FRMD4A: variants seen among roughly 807,000 people sequenced by gnomAD.
FRMD4A encodes the protein FERM domain-containing protein 4A.
In FRMD4A, 29 loss-of-function variants were observed where a neutral mutation model predicts 129.1. That is an observed-to-expected ratio of 0.22 (90% CI 0.17 to 0.31). FRMD4A has a LOEUF of 0.31. Among genes scored for constraint, FRMD4A ranks in the 10% least tolerant of loss-of-function variants. FRMD4A has a pLI of 1.00. For synonymous variants in FRMD4A, 634 were observed against 571.6 expected (o/e 1.11, Z -1.56); for missense variants, 1,272 against 1,375.8 (o/e 0.92, Z 1.19).
At chr10:14,141,491 A>C (rs796899125) in intron 2 of FRMD4A, among the ~76,000 whole-genome samples, 4 of 152,262 alleles carry the variant, frequency 2.6e-5, no homozygotes, top group African/African-American at 9.6e-5. Context: ...ATGAAACATC[A>C]TGTGACACTC....
intron 2 of FRMD4A, among the ~76,000 whole-genome samples, chr10:14,266,525 A>G (rs199999274): frequency 3.6e-5 from 5 of 139,390 alleles, no homozygotes; most frequent in African/African-American, 1.4e-4. Flanking sequence ...GTGTGTGTGT[A>G]TGTGTGTGGC....
chr10:13,833,540 T>A (rs945546387), intron 3 of FRMD4A, among the ~76,000 whole-genome samples: 4 of 152,182 alleles, frequency 2.6e-5, no homozygotes, highest in Non-Finnish European at 4.4e-5. Flanking sequence ...TCATGGGGCA[T>A]CTGCCCTGTG....
At chr10:14,066,110 C>T (rs943186638) in intron 2 of FRMD4A, among the ~76,000 whole-genome samples, 2 of 150,502 alleles carry the variant, frequency 1.3e-5, no homozygotes, top group South Asian at 2.1e-4. Flanking sequence ...ATCCTTTGGA[C>T]GTGAAATATA....
chr10:13,909,571 G>C (rs531712438), intron 2 of FRMD4A, among the ~76,000 whole-genome samples: 1 of 152,198 alleles, frequency 6.6e-6, no homozygotes, highest in Non-Finnish European at 1.5e-5. Flanking sequence ...GGTGTCAGAT[G>C]TTCTTAGGTG....
chr10:14,245,914 C>G (rs78341747), intron 2 of FRMD4A, among the ~76,000 whole-genome samples: 7 of 152,198 alleles, frequency 4.6e-5, no homozygotes, highest in African/African-American at 1.7e-4. Flanking sequence ...TCTGAAAACC[C>G]TCGTTGGATG....
At chr10:14,150,250 A>T (rs368886981) in intron 2 of FRMD4A, among the ~76,000 whole-genome samples, 9 of 152,168 alleles carry the variant, frequency 5.9e-5, no homozygotes, top group Non-Finnish European at 1.2e-4. Context: ...TACAGTATTG[A>T]TCCTAAAAGG....
intron 14 of FRMD4A, among the ~76,000 whole-genome samples, chr10:13,699,552 A>C (rs997275423): frequency 5.9e-5 from 9 of 152,192 alleles, no homozygotes; most frequent in African/African-American, 1.7e-4. Context: ...CGGCGCAGAG[A>C]GGAGGAGCTT....
chr10:13,985,867 C>T (rs950061882), intron 2 of FRMD4A, among the ~76,000 whole-genome samples: 1 of 152,244 alleles, frequency 6.6e-6, no homozygotes, highest in Non-Finnish European at 1.5e-5. Context: ...GATTTAGGAA[C>T]TGAGCAGGCT....
intron 2 of FRMD4A, among the ~76,000 whole-genome samples, chr10:13,884,134 T>TCACC (rs1564970362): frequency 1.9e-3 from 69 of 35,754 alleles, no homozygotes; most frequent in African/African-American, 5.3e-3. Flanking sequence ...ACACACACGC[T>TCACC]CACACACACT....
intron 2 of FRMD4A, among the ~76,000 whole-genome samples, chr10:14,222,207 G>C (rs1054863129): frequency 9.9e-5 from 15 of 152,222 alleles, no homozygotes; most frequent in Non-Finnish European, 1.9e-4. Context: ...ATATAAATCA[G>C]CTGTGAAATC....
intron 2 of FRMD4A, among the ~76,000 whole-genome samples, chr10:13,911,760 CTG>C (rs1417916924): frequency 6.6e-6 from 1 of 152,150 alleles, no homozygotes; most frequent in Non-Finnish European, 1.5e-5. Context: ...CTGGGTTTCA[CTG>C]TGTTACCTAG....
At chr10:13,902,489 GAGTGAC>G (rs2094832390) in intron 2 of FRMD4A, among the ~76,000 whole-genome samples, 1 of 151,154 alleles carries the variant, frequency 6.6e-6, no homozygotes, top group Non-Finnish European at 1.5e-5. Context: ...GAGAGAGAGA[GAGTGAC>G]AGAGATGAGC....
intron 2 of FRMD4A, among the ~76,000 whole-genome samples, chr10:13,863,236 C>T (rs1156413078): frequency 3.3e-5 from 5 of 152,220 alleles, no homozygotes; most frequent in Non-Finnish European, 7.3e-5. Context: ...TGTGCAGAAA[C>T]ATGTAAACAC....
intron 6 of FRMD4A, among the ~76,000 whole-genome samples, chr10:13,769,561 C>T (rs748308751): frequency 6.6e-6 from 1 of 152,216 alleles, no homozygotes; most frequent in Non-Finnish European, 1.5e-5. Context: ...CCACCCACCT[C>T]GGCCTCCCAA....
intron 20 of FRMD4A, among the ~76,000 whole-genome samples, chr10:13,659,717 CTG>C (rs2082478521): frequency 6.6e-6 from 1 of 152,030 alleles, no homozygotes; most frequent in South Asian, 2.1e-4. Flanking sequence ...TCAGCCTTCT[CTG>C]TGTCAGGCAG....
At chr10:14,098,112 TTA>T (rs1270749481) in intron 2 of FRMD4A, among the ~76,000 whole-genome samples, 23 of 142,546 alleles carry the variant, frequency 1.6e-4, no homozygotes, top group African/African-American at 2.8e-4. Flanking sequence ...TATATATAAT[TTA>T]TATATATTAT....
At chr10:14,108,947 T>C (rs1436935171) in intron 2 of FRMD4A, among the ~76,000 whole-genome samples, 1 of 152,236 alleles carries the variant, frequency 6.6e-6, no homozygotes, top group Non-Finnish European at 1.5e-5. Context: ...TTGTAGGTCA[T>C]GTAATTTTTC....
intron 6 of FRMD4A, among the ~76,000 whole-genome samples, chr10:13,771,085 A>AT (rs371608829): frequency 8.6e-5 from 13 of 151,338 alleles, no homozygotes; most frequent in Admixed American, 6.6e-4. Context: ...CTTAAACTCC[A>AT]TTTTTTTTTA....
intron 2 of FRMD4A, among the ~76,000 whole-genome samples, chr10:14,188,719 A>G (rs543233722): frequency 6.6e-6 from 1 of 152,330 alleles, no homozygotes; most frequent in African/African-American, 2.4e-5. Context: ...AACCTGGGCA[A>G]CATAGTGAGA....
Sources: gnomAD v4.1 joint callset for allele counts (sites outside exome capture counted in the v4.1 genomes callset) on GRCh38, gnomAD v4.1.1 for gene constraint, MANE v1.5 for transcripts, NCBI Gene and HGNC (gene_info 2026-07-23, HGNC 2026-07-21) for gene names.